SHISA9: variants seen among roughly 807,000 people sequenced by gnomAD.
SHISA9 encodes shisa family member 9.
SHISA9 carries 13 observed loss-of-function variants against 38.0 expected under a neutral mutation model. That is an observed-to-expected ratio of 0.34 (90% confidence interval 0.22 to 0.54). The LOEUF (loss-of-function observed/expected upper bound fraction) is 0.54, where lower values mean the gene tolerates loss of function less well. Among genes scored for constraint, SHISA9 ranks in the 20% least tolerant of loss-of-function variants. The pLI, the probability that SHISA9 is intolerant of heterozygous loss-of-function variation, is 0.91. For missense variants in SHISA9, 538 were observed against 575.8 expected, an observed-to-expected ratio of 0.93 and a Z score of 0.67; for synonymous variants, 275 against 242.0, an observed-to-expected ratio of 1.14 and a Z score of -1.27.
At chr16:13,327,997 C>G in the SHISA9 span, among the ~76,000 whole-genome samples, 1,504 of 152,286 alleles carry the variant, frequency 9.9e-3, 12 homozygotes, top group South Asian at 0.014. Context: ...TAAAATCTTT[C>G]ATCGTACTCA....
the SHISA9 span, among the ~76,000 whole-genome samples, chr16:13,305,779 C>T: frequency 1.3e-5 from 2 of 152,208 alleles, no homozygotes; most frequent in Non-Finnish European, 2.9e-5. Context: ...GGAGACAATG[C>T]AGGGACTTTA....
the SHISA9 span, among the ~76,000 whole-genome samples, chr16:13,388,197 A>G: frequency 6.6e-6 from 1 of 152,154 alleles, no homozygotes; most frequent in Non-Finnish European, 1.5e-5. Context: ...GGAAGGATCA[A>G]TCCCAAGAGT....
At chr16:13,395,069 G>A in the SHISA9 span, among the ~76,000 whole-genome samples, 1 of 151,936 alleles carries the variant, frequency 6.6e-6, no homozygotes, top group Non-Finnish European at 1.5e-5. Flanking sequence ...GAAGAATGTG[G>A]CTTTGCAGTC....
chr16:12,926,401 C>A (rs1346842557), intron 2 of SHISA9, among the ~76,000 whole-genome samples: 1 of 151,922 alleles, frequency 6.6e-6, no homozygotes, highest in Non-Finnish European at 1.5e-5. Context: ...CAGATTTTAG[C>A]TAATTGTTTG....
At chr16:12,963,080 C>G (rs1001247430) in intron 2 of SHISA9, among the ~76,000 whole-genome samples, 1 of 152,230 alleles carries the variant, frequency 6.6e-6, no homozygotes, top group African/African-American at 2.4e-5. Context: ...ACACCCCTTT[C>G]TGCTTAGGTT....
downstream of SHISA9, among the ~76,000 whole-genome samples, chr16:13,245,040 C>T (rs1479371266): frequency 6.6e-6 from 1 of 152,102 alleles, no homozygotes; most frequent in Non-Finnish European, 1.5e-5. Flanking sequence ...CTCAGCCTCC[C>T]GAGTAGCTGG....
chr16:13,244,872 A>G (rs1348667103), downstream of SHISA9, among the ~76,000 whole-genome samples: 5 of 152,210 alleles, frequency 3.3e-5, no homozygotes, highest in Non-Finnish European at 5.9e-5. Flanking sequence ...ACTGTTGACA[A>G]AGTCCCAGGT....
chr16:12,975,274 C>T lies in SHISA9; in HGVS notation c.691+58459C>T, dbSNP rs558318790. On this transcript the variant is annotated intron_variant, in intron 2 of 4. Transcript: ENST00000558583. ...AGGGTATTGGCTGGGCACAGTGGCT[C>T]ACGGTGAATCACAAGGTCAGGAGTT... Among the ~76,000 whole-genome samples the T allele has an allele frequency of 9.2e-5, 14 of 151,958 alleles. No homozygotes were observed. In the South Asian group the frequency reaches 2.7e-3, roughly 29 times the overall value.
chr16:13,353,210 T>C, the SHISA9 span, among the ~76,000 whole-genome samples: 1 of 151,898 alleles, frequency 6.6e-6, no homozygotes, highest in Non-Finnish European at 1.5e-5. Flanking sequence ...AGGGGTGATA[T>C]TGTGGGGATG....
chr16:13,214,484 G>T (rs2051149205), intron 4 of SHISA9, among the ~76,000 whole-genome samples: 1 of 152,132 alleles, frequency 6.6e-6, no homozygotes, highest in East Asian at 1.9e-4. Flanking sequence ...GGGATTACAA[G>T]CATGAGCCAC....
chr16:13,424,251 C>T, the SHISA9 span, among the ~76,000 whole-genome samples: 3 of 152,252 alleles, frequency 2.0e-5, no homozygotes, highest in Admixed American at 6.5e-5. Flanking sequence ...TGTTACAGTG[C>T]TCCGCATTGA....
rs371474104 is a variant in SHISA9, at chr16:13,107,460, A to G, written c.692-95934A>G. On this transcript the variant is annotated intron_variant, in intron 2 of 4. Transcript: ENST00000558583. ...AACAAAAACAAACAAACAAACAAAC[A>G]AAAAAACAACAGACACACACACACA... 1.4e-4 allele frequency among the ~76,000 whole-genome samples: 19 copies of G among 135,540 alleles called. No individual in the cohort carries two copies. The East Asian group carries it at 3.5e-3, about 25-fold the overall frequency. 88.9% of individuals were successfully genotyped at this position (135,540 alleles called of 152,430 possible).
chr16:12,909,952 G>A (rs1431798579), intron 1 of SHISA9: 1 of 151,964 alleles, frequency 6.6e-6, no homozygotes, highest in Non-Finnish European at 1.5e-5. Flanking sequence ...TGCCTCCTGG[G>A]TTTTAGCGAT....
Position 12,937,239 on chromosome 16 carries a change from C to T in SHISA9, c.691+20424C>T, listed in dbSNP as rs181316676. On this transcript the variant is annotated intron_variant, in intron 2 of 4. Coordinates refer to ENST00000558583, the MANE Select transcript of SHISA9 (RefSeq NM_001145204.3). Reference sequence around the variant, plus strand: ...CATATAGTACATTTAAAAAAATTAACGTATTTATCTATTTGAATAGGTCAA... The same window carrying T: ...CATATAGTACATTTAAAAAAATTAATGTATTTATCTATTTGAATAGGTCAA... Among the ~76,000 whole-genome samples the T allele has an allele frequency of 1.3e-3, 195 of 152,232 alleles. 2 individuals carry two copies. The highest frequency in any genetic ancestry group is 2.2e-4 in the Non-Finnish European group (15 of 68,024).
chr16:13,118,426 A>G (rs1231934765), intron 2 of SHISA9, among the ~76,000 whole-genome samples: 1 of 152,206 alleles, frequency 6.6e-6, no homozygotes, highest in Non-Finnish European at 1.5e-5. Context: ...AGAAATCAAC[A>G]TGCACAGAGG....
At chr16:13,487,081 G>A in the SHISA9 span, among the ~76,000 whole-genome samples, 1 of 152,124 alleles carries the variant, frequency 6.6e-6, no homozygotes, top group Non-Finnish European at 1.5e-5. Flanking sequence ...CATTTTTCTG[G>A]TTCCTTTCCT....
rs1247442352 is a variant in SHISA9 at position 13,118,576 on chromosome 16, A to C, written c.692-84818A>C. On this transcript the variant is annotated intron_variant, in intron 2 of 4. Transcript: ENST00000558583. Reference sequence around the variant, plus strand: ...ATTGTGCTAAAATGAAGAAAAACAGATTTTGAGTAAGTGAGTCTGGGGCAG... The same window carrying C: ...ATTGTGCTAAAATGAAGAAAAACAGCTTTTGAGTAAGTGAGTCTGGGGCAG... 2.0e-5 allele frequency among the ~76,000 whole-genome samples: 3 copies of C among 152,150 alleles called. No individual in the cohort carries two copies. The East Asian group carries it at 5.8e-4, about 29-fold the overall frequency.
chr16:13,203,263 C>T, intron 2 of SHISA9, 131 bp from the exon 3 acceptor site: 1 of 771,612 alleles, frequency 1.3e-6, no homozygotes, highest in South Asian at 3.1e-5. Flanking sequence ...ATCTGTGAAC[C>T]CTCTGCTGTT....
At chr16:13,469,745 G>GGC in the SHISA9 span, among the ~76,000 whole-genome samples, 1 of 152,050 alleles carries the variant, frequency 6.6e-6, no homozygotes, top group Non-Finnish European at 1.5e-5. Context: ...AGCCTCTACA[G>GGC]GCTGACACAA....
Sources: allele counts gnomAD v4.1 joint callset (sites outside exome capture counted in the v4.1 genomes callset), GRCh38; gene constraint gnomAD v4.1.1; transcripts MANE v1.5; gene names NCBI Gene and HGNC (gene_info 2026-07-23, HGNC 2026-07-21).